CDH13: variants seen among roughly 807,000 people sequenced by gnomAD.
CDH13 encodes cadherin-13.
A neutral mutation model predicts 63.8 loss-of-function variants in CDH13; 24 were observed. The observed-to-expected ratio is 0.38, with a 90% CI of 0.27 to 0.53. CDH13 has a LOEUF of 0.53. Ranked by LOEUF, CDH13 falls within the 20% of genes least tolerant of loss-of-function variation. CDH13 has a pLI of 0.85. For missense variants in CDH13, 1,049 were observed against 903.1 expected, an observed-to-expected ratio of 1.16 and a Z score of -2.07; for synonymous variants, 503 against 355.3, an observed-to-expected ratio of 1.42 and a Z score of -4.67.
At chr16:82,701,273 A>G (rs938228589) in intron 1 of CDH13, among the ~76,000 whole-genome samples, 7 of 151,780 alleles carry the variant, frequency 4.6e-5, no homozygotes, top group Non-Finnish European at 8.8e-5. Flanking sequence ...TCAAGGTCCT[A>G]TTTTTCTTAG....
At chr16:83,248,508 G>C (rs1905186393) in intron 5 of CDH13, among the ~76,000 whole-genome samples, 1 of 152,092 alleles carries the variant, frequency 6.6e-6, no homozygotes, top group Non-Finnish European at 1.5e-5. Context: ...ATGAAAGTCA[G>C]GCTCAAGGGT....
At chr16:83,216,247 T>C (rs907563191) in intron 4 of CDH13, among the ~76,000 whole-genome samples, 1 of 151,216 alleles carries the variant, frequency 6.6e-6, no homozygotes, top group African/African-American at 2.4e-5. Flanking sequence ...GTATGTTGTA[T>C]TGCAGTGTCT....
At chr16:83,014,385 C>A (rs1274886031) in intron 2 of CDH13, among the ~76,000 whole-genome samples, 2 of 145,310 alleles carry the variant, frequency 1.4e-5, no homozygotes, top group Non-Finnish European at 3.0e-5. Flanking sequence ...TCATTTGAAT[C>A]AGCACTTTCA....
In CDH13 at chr16:83,016,331, C is replaced by G. The variant is rs759542647; in HGVS notation, c.158-15679C>G. 4.6e-5 allele frequency among the ~76,000 whole-genome samples: 7 copies of G among 152,196 alleles called. No homozygotes were observed. In the East Asian group the frequency reaches 5.8e-4, roughly 13 times the overall value. On this transcript the variant is annotated intron_variant, in intron 2 of 13. Coordinates refer to ENST00000567109, the MANE Select transcript of CDH13 (RefSeq NM_001257.5). The stretch of plus-strand genomic sequence containing the variant: ...ATCTGTAATCACAGCTGATGAGTAT[C>G]TCACACACTGCAATTAGGGAGGAGG...
intron 1 of CDH13, among the ~76,000 whole-genome samples, chr16:82,813,705 A>G (rs565397085): frequency 6.6e-6 from 1 of 152,232 alleles, no homozygotes; most frequent in South Asian, 2.1e-4. Flanking sequence ...CAGGCTTTTA[A>G]AGATTCGGCA....
At chr16:82,981,749 T>G (rs1310437431) in intron 2 of CDH13, among the ~76,000 whole-genome samples, 1 of 152,234 alleles carries the variant, frequency 6.6e-6, no homozygotes, top group Non-Finnish European at 1.5e-5. Context: ...ATGCTCACAT[T>G]CAGCCTTTGC....
intron 2 of CDH13, among the ~76,000 whole-genome samples, chr16:82,876,374 G>C (rs2040503375): frequency 6.6e-6 from 1 of 152,192 alleles, no homozygotes; most frequent in South Asian, 2.1e-4. Flanking sequence ...TCTTTGAATT[G>C]ACAAGTTAAT....
At chr16:82,987,809 C>G (rs1160253740) in intron 2 of CDH13, among the ~76,000 whole-genome samples, 2 of 152,204 alleles carry the variant, frequency 1.3e-5, no homozygotes, top group Non-Finnish European at 2.9e-5. Context: ...TTTGCTATTG[C>G]TTAGAGACTC....
At chr16:82,838,728 C>T (rs745982336) in intron 1 of CDH13, among the ~76,000 whole-genome samples, 1 of 152,068 alleles carries the variant, frequency 6.6e-6, no homozygotes, top group Non-Finnish European at 1.5e-5. Context: ...CTTTTTTGGC[C>T]TAGGTTGTCC....
At chr16:82,797,049 T>C (rs1486055628) in intron 1 of CDH13, among the ~76,000 whole-genome samples, 2 of 152,244 alleles carry the variant, frequency 1.3e-5, no homozygotes, top group Non-Finnish European at 2.9e-5. Context: ...TCCATGACTA[T>C]GTACTTGTCA....
In CDH13 at chr16:83,207,610, G is replaced by C. The variant is rs79170423; in HGVS notation, c.484-9735G>C. On this transcript the variant is annotated intron_variant, in intron 4 of 13. Coordinates refer to ENST00000567109, the MANE Select transcript of CDH13 (RefSeq NM_001257.5). ...ATGCTTATTCTTTCCGTGTGTCTAT[G>C]GGTCACTTAGTAAAGATGATATTGC... 7.6e-3 allele frequency among the ~76,000 whole-genome samples: 1,152 copies of C among 152,122 alleles called. 36 individuals carry two copies. Among genetic ancestry groups the C allele is most frequent in the East Asian group, 0.068 (352 of 5,168 alleles).
At chr16:83,046,762 G>A (rs1380301784) in intron 3 of CDH13, among the ~76,000 whole-genome samples, 1 of 152,188 alleles carries the variant, frequency 6.6e-6, no homozygotes, top group African/African-American at 2.4e-5. Context: ...TAGTGAGGCT[G>A]CCTTCAGTTG....
At chr16:83,377,301 A>G (rs1420153391) in intron 6 of CDH13, among the ~76,000 whole-genome samples, 5 of 152,218 alleles carry the variant, frequency 3.3e-5, no homozygotes, top group Non-Finnish European at 7.3e-5. Flanking sequence ...CAAATATAAG[A>G]CAAAAGGTTA....
intron 10 of CDH13, among the ~76,000 whole-genome samples, chr16:83,731,274 C>T (rs193067532): frequency 1.3e-3 from 196 of 152,290 alleles, no homozygotes; most frequent in African/African-American, 4.5e-3. Flanking sequence ...GATTTACATT[C>T]GCACCAACAG....
chr16:83,722,773 G>C (rs1036345532), intron 10 of CDH13, among the ~76,000 whole-genome samples: 1 of 152,188 alleles, frequency 6.6e-6, no homozygotes, highest in East Asian at 1.9e-4. Context: ...ACCAGGCTGG[G>C]GGGGTGGATT....
chr16:83,091,628 T>C (rs1337630046), intron 3 of CDH13, among the ~76,000 whole-genome samples: 1 of 152,256 alleles, frequency 6.6e-6, no homozygotes, highest in Non-Finnish European at 1.5e-5. Flanking sequence ...TCTCTGTTTC[T>C]GTAAGCTTAC....
At chr16:83,739,710 G>C (rs414629) in intron 10 of CDH13, among the ~76,000 whole-genome samples, 1 of 152,036 alleles carries the variant, frequency 6.6e-6, no homozygotes, top group South Asian at 2.1e-4. Context: ...CTATGGGGGA[G>C]GGATGAATGA....
At chr16:82,758,434 C>G (rs397854722) in intron 1 of CDH13, among the ~76,000 whole-genome samples, 1 of 148,272 alleles carries the variant, frequency 6.7e-6, no homozygotes, top group East Asian at 2.0e-4. Context: ...ATACCCCCCC[C>G]CCTTTGCTTT....
chr16:82,938,894 G>T (rs1187718980), intron 2 of CDH13, among the ~76,000 whole-genome samples: 1 of 152,006 alleles, frequency 6.6e-6, no homozygotes, highest in East Asian at 1.9e-4. Flanking sequence ...TCTTGGTTGA[G>T]GACTACTCCC....
Sources: allele counts gnomAD v4.1 joint callset (sites outside exome capture counted in the v4.1 genomes callset), GRCh38; gene constraint gnomAD v4.1.1; transcripts MANE v1.5; gene names NCBI Gene and HGNC (gene_info 2026-07-23, HGNC 2026-07-21).